Variants in SEMA6D observed in about 807,000 individuals in gnomAD.
The protein encoded by SEMA6D is semaphorin-6D.
SEMA6D carries 35 observed loss-of-function variants against 106.6 expected under a neutral mutation model. That is an observed-to-expected ratio of 0.33 (90% confidence interval 0.25 to 0.44). The LOEUF (loss-of-function observed/expected upper bound fraction) is 0.44, where lower values mean the gene tolerates loss of function less well. Among genes scored for constraint, SEMA6D ranks in the 20% least tolerant of loss-of-function variants. The pLI, the probability that SEMA6D is intolerant of heterozygous loss-of-function variation, is 1.00. For synonymous variants in SEMA6D, 499 were observed against 487.7 expected (o/e 1.02, Z -0.31); for missense variants, 1,185 against 1,345.9 (o/e 0.88, Z 1.87).
chr15:47,425,411 C>T (rs2041297898), intron 2 of SEMA6D, among the ~76,000 whole-genome samples: 1 of 151,894 alleles, frequency 6.6e-6, no homozygotes, highest in African/African-American at 2.4e-5. Flanking sequence ...ATTTTTAGTT[C>T]TAAGTGCTCA....
chr15:47,636,142 A>G (rs73390998), intron 4 of SEMA6D, among the ~76,000 whole-genome samples: 5,214 of 152,198 alleles, frequency 0.034, 292 homozygotes, highest in African/African-American at 0.12. Context: ...TAGGGATGAT[A>G]GAAATGTTCT....
At chr15:47,279,909 T>C (rs1255523166) in intron 1 of SEMA6D, among the ~76,000 whole-genome samples, 2 of 150,914 alleles carry the variant, frequency 1.3e-5, no homozygotes, top group African/African-American at 4.9e-5. Flanking sequence ...CTTTTTGATG[T>C]GCTACTGGAT....
At chr15:47,282,943 C>G (rs2035194969) in intron 1 of SEMA6D, among the ~76,000 whole-genome samples, 1 of 152,184 alleles carries the variant, frequency 6.6e-6, no homozygotes, top group African/African-American at 2.4e-5. Context: ...TGCCCCCTCT[C>G]TCCTGCCAGC....
Position 47,771,353 on chromosome 15 carries a change from C to T in SEMA6D, c.2790C>T (p.Tyr930=). Reference sequence around the variant, plus strand: ...TCCCTAACCGGGAGGCATCGCTATACTCCCCTCCTTCAACTCTCCCCAGAA... The same window carrying T: ...TCCCTAACCGGGAGGCATCGCTATATTCCCCTCCTTCAACTCTCCCCAGAA... ...PKVPNREASL[Y]SPPSTLPRNS... is the part of the protein sequence containing the mutation. The change falls in exon 19 of 19, where the codon TAC becomes TAT. Residue 930 remains tyrosine, a synonymous_variant. Transcript: ENST00000536845. 3 of 1,613,998 alleles carry T rather than the reference C, an allele frequency of 1.9e-6. No individual in the cohort carries two copies. Among genetic ancestry groups the T allele is most frequent in the Non-Finnish European group, 2.5e-6 (3 of 1,179,976 alleles).
chr15:47,315,085 C>A (rs1051704052), intron 1 of SEMA6D, among the ~76,000 whole-genome samples: 1 of 151,826 alleles, frequency 6.6e-6, no homozygotes, highest in African/African-American at 2.4e-5. Context: ...CCAGGATGGT[C>A]TCGATCTCCT....
intron 3 of SEMA6D, among the ~76,000 whole-genome samples, chr15:47,500,577 C>T (rs1326039820): frequency 6.6e-6 from 1 of 152,130 alleles, no homozygotes; most frequent in Non-Finnish European, 1.5e-5. Flanking sequence ...ATATTTTACT[C>T]ATTTAGCAGT....
intron 3 of SEMA6D, among the ~76,000 whole-genome samples, chr15:47,476,041 G>C (rs1567107195): frequency 6.6e-6 from 1 of 152,160 alleles, no homozygotes; most frequent in Non-Finnish European, 1.5e-5. Flanking sequence ...CCACAGGGGA[G>C]GGACATTTAT....
intron 1 of SEMA6D, among the ~76,000 whole-genome samples, chr15:47,362,659 G>T (rs1666113329): frequency 6.6e-6 from 1 of 152,176 alleles, no homozygotes; most frequent in Admixed American, 6.5e-5. Context: ...CCTCTCTGGA[G>T]CCTCCTAACC....
chr15:47,413,372 C>A (rs281211), intron 2 of SEMA6D, among the ~76,000 whole-genome samples: 95,534 of 151,928 alleles, frequency 0.63, 30,484 homozygotes, highest in Middle Eastern at 0.69. Context: ...AAATTAAAAA[C>A]ATAATACCCA....
intron 1 of SEMA6D, among the ~76,000 whole-genome samples, chr15:47,295,496 A>G (rs1169180570): frequency 1.3e-5 from 2 of 152,162 alleles, no homozygotes; most frequent in Non-Finnish European, 2.9e-5. Flanking sequence ...CTTCTGAAAG[A>G]ACTGTGAGTA....
chr15:47,216,758 A>G (rs2030658028), intron 1 of SEMA6D, among the ~76,000 whole-genome samples: 1 of 152,106 alleles, frequency 6.6e-6, no homozygotes, highest in Non-Finnish European at 1.5e-5. Flanking sequence ...CAGTAGATAT[A>G]TAAAAAATAT....
intron 1 of SEMA6D, among the ~76,000 whole-genome samples, chr15:47,372,704 A>G (rs889099725): frequency 1.3e-5 from 2 of 152,188 alleles, no homozygotes; most frequent in Admixed American, 6.5e-5. Flanking sequence ...TTGTAACCTC[A>G]GGTTCCAAAA....
intron 1 of SEMA6D, among the ~76,000 whole-genome samples, chr15:47,309,658 G>A (rs1595699868): frequency 6.6e-6 from 1 of 152,148 alleles, no homozygotes; most frequent in African/African-American, 2.4e-5. Flanking sequence ...TTGCCCTTGT[G>A]TAAGGGGAAC....
chr15:47,371,672 C>T (rs895113953), intron 1 of SEMA6D, among the ~76,000 whole-genome samples: 9 of 151,832 alleles, frequency 5.9e-5, no homozygotes, highest in East Asian at 1.9e-4. Context: ...GCCATGTTTC[C>T]GAGATGAGAA....
chr15:47,459,802 A>G (rs1456575802), intron 2 of SEMA6D, among the ~76,000 whole-genome samples: 3 of 152,092 alleles, frequency 2.0e-5, no homozygotes, highest in Non-Finnish European at 4.4e-5. Flanking sequence ...AAAAGATTTC[A>G]TCTCTGGGTG....
intron 4 of SEMA6D, among the ~76,000 whole-genome samples, chr15:47,659,861 G>C (rs1325185572): frequency 6.6e-6 from 1 of 152,010 alleles, no homozygotes; most frequent in Non-Finnish European, 1.5e-5. Context: ...AATTAGAAAA[G>C]TTTGATTATA....
chr15:47,514,897 C>T (rs940173523), intron 3 of SEMA6D, among the ~76,000 whole-genome samples: 2 of 152,138 alleles, frequency 1.3e-5, no homozygotes, highest in African/African-American at 2.4e-5. Flanking sequence ...CAGCCTCAGA[C>T]CAAGTGGATA....
At chr15:47,291,326 G>T (rs950871961) in intron 1 of SEMA6D, among the ~76,000 whole-genome samples, 1 of 152,186 alleles carries the variant, frequency 6.6e-6, no homozygotes, top group African/African-American at 2.4e-5. Context: ...GATGCCTGAG[G>T]TTGTAAGTCT....
chr15:47,729,492 CA>C (rs1488003072), intron 1 of SEMA6D, among the ~76,000 whole-genome samples: 5 of 152,150 alleles, frequency 3.3e-5, no homozygotes, highest in Non-Finnish European at 5.9e-5. Context: ...ACTAGTTCAG[CA>C]AAGGGTAGTT....
Sources: gnomAD v4.1 joint callset for allele counts (sites outside exome capture counted in the v4.1 genomes callset) on GRCh38, gnomAD v4.1.1 for gene constraint, MANE v1.5 for transcripts, NCBI Gene and HGNC (gene_info 2026-07-23, HGNC 2026-07-21) for gene names.